Variants in TCF3 observed in about 807,000 individuals in gnomAD.
TCF3 encodes transcription factor 3.
In TCF3, 54 loss-of-function variants were observed where a neutral mutation model predicts 72.3. The ratio of observed to expected loss-of-function variants is 0.75; its 90% CI spans 0.60 to 0.94. The LOEUF (loss-of-function observed/expected upper bound fraction) is 0.94, where lower values mean the gene tolerates loss of function less well. Among genes scored for constraint, TCF3 ranks in the 40% least tolerant of loss-of-function variants. TCF3 has a pLI of 0.00. For synonymous variants in TCF3, 525 were observed against 412.6 expected (o/e 1.27, Z -3.30); for missense variants, 1,078 against 934.4 (o/e 1.15, Z -2.00).
At position 1,621,118 on chromosome 19, in the gene TCF3, T is replaced by A; in HGVS notation, c.1014+15A>T. ...AGGTCACTTGCCTGGCCACCCCCCA[T>A]GCCCCACGCCTCACCGAGGCCAGTG... is the stretch of plus-strand genomic sequence containing the variant. On this transcript the variant is annotated intron_variant, in intron 12 of 18. Coordinates refer to ENST00000262965, the MANE Select transcript of TCF3 (RefSeq NM_003200.5). The A allele has an allele frequency of 6.5e-7, 1 of 1,532,618 alleles. No homozygotes were observed. The highest frequency in any genetic ancestry group is 8.8e-7 in the Non-Finnish European group (1 of 1,136,424). 94.9% of individuals were successfully genotyped at this position (1,532,618 alleles called of 1,614,324 possible).
In TCF3 at chr19:1,627,436, G is replaced by A. The variant is rs764269420; in HGVS notation, c.299-10C>T. The A allele has an allele frequency of 1.8e-5, 29 of 1,611,554 alleles. No homozygotes were observed. The highest frequency in any genetic ancestry group is 1.7e-4 in the Middle Eastern group (1 of 6,008). Reference sequence around the variant, plus strand: ...CGCTCACCGCTCTTGCCTGCAAGGGGAGAAGGAAGGTTAGTGGGAGGCGAC... The same window carrying A: ...CGCTCACCGCTCTTGCCTGCAAGGGAAGAAGGAAGGTTAGTGGGAGGCGAC... On this transcript the variant is annotated splice_polypyrimidine_tract_variant and intron_variant, in intron 5 of 18. Coordinates refer to ENST00000262965, the MANE Select transcript of TCF3 (RefSeq NM_003200.5).
At chr19:1,644,045 ATCCCACAGCTCCGGGGC>A (rs754989601) in intron 3 of TCF3, among the ~76,000 whole-genome samples, 36 of 152,282 alleles carry the variant, frequency 2.4e-4, no homozygotes, top group Non-Finnish European at 4.9e-4. Context: ...TTGGGAAGGG[ATCCCACAGCTCCGGGGC>A]TCCATCCTGC....
At chr19:1,626,459 AAAAG>A (rs1026061028) in intron 6 of TCF3, among the ~76,000 whole-genome samples, 6 of 152,172 alleles carry the variant, frequency 3.9e-5, no homozygotes, top group Middle Eastern at 3.4e-3. Flanking sequence ...AAAAAAAAAA[AAAAG>A]AATCATCTGT....
In TCF3 at chr19:1,639,353, A is replaced by AT. The variant is rs557864821; in HGVS notation, c.146-6949dup. Among the ~76,000 whole-genome samples the AT allele has an allele frequency of 1.7e-3, 253 of 152,170 alleles. 1 individual carries two copies. The highest frequency in any genetic ancestry group is 5.4e-3 in the African/African-American group (225 of 41,490). ...GCCACCACCACCAGCCAAGGAACGG[A>AT]TTTTTTTGTTGTTGACAATGGCTCG... On this transcript the variant is annotated intron_variant, in intron 3 of 18. Transcript: ENST00000262965.
intron 13 of TCF3, among the ~76,000 whole-genome samples, chr19:1,620,321 ACCT>A (rs2062031780): frequency 6.6e-6 from 1 of 151,528 alleles, no homozygotes; most frequent in Non-Finnish European, 1.5e-5. Flanking sequence ...CCTTCTGGAA[ACCT>A]CCAGTTCTCA....
chr19:1,651,701 C>G (rs905495091), intron 1 of TCF3, among the ~76,000 whole-genome samples: 1 of 152,016 alleles, frequency 6.6e-6, no homozygotes, highest in Admixed American at 6.5e-5. Flanking sequence ...CCCCCTCCCC[C>G]CGCAGCCGGT....
At chr19:1,645,164 C>T (rs1317486579) in intron 3 of TCF3, among the ~76,000 whole-genome samples, 1 of 152,092 alleles carries the variant, frequency 6.6e-6, no homozygotes, top group African/African-American at 2.4e-5. Flanking sequence ...AACCCCGACA[C>T]TCCAGCCAGG....
intron 14 of TCF3, 106 bp downstream of exon 14, chr19:1,619,673 TG>T: frequency 1.6e-6 from 2 of 1,252,678 alleles, no homozygotes; most frequent in Non-Finnish European, 2.2e-6. Flanking sequence ...AATAACAGCT[TG>T]GGGCTTATTT....
At chr19:1,636,122 C>T (rs898103913) in intron 3 of TCF3, among the ~76,000 whole-genome samples, 14 of 152,264 alleles carry the variant, frequency 9.2e-5, no homozygotes, top group Admixed American at 5.2e-4. Context: ...GGTTTGAATC[C>T]GGGGGTGGCC....
chr19:1,611,311 G>GCATTTTTTTCTTCTCTGA lies in TCF3; in HGVS notation c.*378_*395dup. On this transcript the variant is annotated 3_prime_UTR_variant, in exon 19 of 19. Coordinates refer to ENST00000262965, the MANE Select transcript of TCF3 (RefSeq NM_003200.5). ...CATTTCTCCGCTTTTTATAGTTAAGGCATTTTTTTCTTCTCTGACAAAGTG... is the reference window on the plus strand; with the variant it reads ...CATTTCTCCGCTTTTTATAGTTAAGGCATTTTTTTCTTCTCTGACATTTTTTTCTTCTCTGACAAAGTG... 1 of 377,338 alleles carries GCATTTTTTTCTTCTCTGA rather than the reference G, an allele frequency of 2.7e-6. No individual in the cohort carries two copies. Among genetic ancestry groups the GCATTTTTTTCTTCTCTGA allele is most frequent in the East Asian group, 3.8e-5 (1 of 26,192 alleles). The allele number at this position is 377,338 out of a possible 1,614,324, so 23.4% of individuals were successfully genotyped here.
intron 16 of TCF3, among the ~76,000 whole-genome samples, chr19:1,618,341 G>A (rs150330229): frequency 1.1e-4 from 17 of 152,140 alleles, no homozygotes; most frequent in Admixed American, 8.5e-4. Flanking sequence ...TTGGTCTCCC[G>A]GTGCCACTCA....
intron 5 of TCF3, among the ~76,000 whole-genome samples, chr19:1,631,226 AGGTT>A (rs1444357427): frequency 1.3e-5 from 2 of 150,726 alleles, no homozygotes; most frequent in African/African-American, 4.9e-5. Context: ...GCGCTTGCCC[AGGTT>A]CCGTGGTGGG....
At chr19:1,639,463 G>C (rs2064927843) in intron 3 of TCF3, among the ~76,000 whole-genome samples, 1 of 152,118 alleles carries the variant, frequency 6.6e-6, no homozygotes, top group Non-Finnish European at 1.5e-5. Context: ...CCGACAAACA[G>C]AACAGAGGGG....
intron 18 of TCF3, chr19:1,612,452 G>T: frequency 3.2e-6 from 5 of 1,582,474 alleles, no homozygotes; most frequent in Non-Finnish European, 4.3e-6. Context: ...CAGCACCGAG[G>T]CCTCTGTTAG....
At chr19:1,642,268 A>G (rs779367217) in intron 3 of TCF3, among the ~76,000 whole-genome samples, 6 of 151,558 alleles carry the variant, frequency 4.0e-5, no homozygotes, top group Non-Finnish European at 7.4e-5. Context: ...GCACACACGC[A>G]CGCACACGCA....
At chr19:1,647,992 A>G (rs1005909462) in intron 2 of TCF3, among the ~76,000 whole-genome samples, 10 of 151,946 alleles carry the variant, frequency 6.6e-5, no homozygotes, top group Admixed American at 2.0e-4. Flanking sequence ...CTCCCCCTTC[A>G]TTCCTGAAGC....
At chr19:1,647,258 G>A (rs947278069) in intron 2 of TCF3, among the ~76,000 whole-genome samples, 2 of 151,434 alleles carry the variant, frequency 1.3e-5, no homozygotes, top group East Asian at 3.9e-4. Context: ...AAACCCTTTT[G>A]CCACAGAAAA....
Position 1,610,147 on chromosome 19 carries a change from G to A in TCF3, c.*1560C>T, listed in dbSNP as rs938329306. ...AAAAGACCAGAAAAGGAGACCTGGA[G>A]AGAGGCCTGGGTGCTGGGACATGGG... On this transcript the variant is annotated 3_prime_UTR_variant, in exon 19 of 19. Transcript: ENST00000262965. 2.6e-5 allele frequency: 6 copies of A among 232,554 alleles called. No individual in the cohort carries two copies. The highest frequency in any genetic ancestry group is 1.3e-4 in the African/African-American group (6 of 45,270). The allele number at this position is 232,554 out of a possible 1,614,324, so 14.4% of individuals were successfully genotyped here.
chr19:1,648,825 G>A (rs951458444), intron 2 of TCF3, among the ~76,000 whole-genome samples: 9 of 151,888 alleles, frequency 5.9e-5, no homozygotes, highest in Non-Finnish European at 1.3e-4. Context: ...CATGGGGGGG[G>A]GGGGGGAGCA....
Sources: allele counts gnomAD v4.1 joint callset (sites outside exome capture counted in the v4.1 genomes callset), GRCh38; gene constraint gnomAD v4.1.1; transcripts MANE v1.5; gene names NCBI Gene and HGNC (gene_info 2026-07-23, HGNC 2026-07-21).